The following PTPN21 variants were observed in gnomAD, a reference collection of about 807,000 sequenced individuals.
PTPN21 encodes the protein tyrosine-protein phosphatase non-receptor type 21.
A neutral mutation model predicts 131.8 loss-of-function variants in PTPN21; 77 were observed. The ratio of observed to expected loss-of-function variants is 0.58; its 90% CI spans 0.49 to 0.71. The LOEUF (loss-of-function observed/expected upper bound fraction) is 0.71. PTPN21 is among the 30% of genes least tolerant of loss of function. The probability of loss-of-function intolerance (pLI) is 0.00; values close to 1 mark genes in which losing one functional copy is unlikely to be tolerated. For missense variants in PTPN21, 1,552 were observed against 1,527.1 expected, an observed-to-expected ratio of 1.02 and a Z score of -0.27; for synonymous variants, 715 against 621.3, an observed-to-expected ratio of 1.15 and a Z score of -2.24.
intron 13 of PTPN21, among the ~76,000 whole-genome samples, chr14:88,475,992 T>C (rs188790187): frequency 1.3e-5 from 2 of 152,338 alleles, no homozygotes; most frequent in South Asian, 2.1e-4. Context: ...TGATTTCTTA[T>C]GTGAGAACCA....
chr14:88,534,885 A>G (rs1226010933), intron 2 of PTPN21, among the ~76,000 whole-genome samples: 2 of 152,098 alleles, frequency 1.3e-5, no homozygotes, highest in Non-Finnish European at 2.9e-5. Context: ...TTAAAAAATT[A>G]AAAAATTGTG....
chr14:88,505,903 C>T (rs2078080477), intron 4 of PTPN21, among the ~76,000 whole-genome samples: 1 of 152,194 alleles, frequency 6.6e-6, no homozygotes, highest in Admixed American at 6.5e-5. Context: ...AGGAATGTGG[C>T]TCCATGTGCA....
At chr14:88,531,636 T>G (rs2078556523) in intron 2 of PTPN21, among the ~76,000 whole-genome samples, 1 of 151,994 alleles carries the variant, frequency 6.6e-6, no homozygotes, top group African/African-American at 2.4e-5. Flanking sequence ...AAATATATAT[T>G]AACTCATAGC....
intron 12 of PTPN21, among the ~76,000 whole-genome samples, chr14:88,483,016 T>C (rs1207550440): frequency 6.6e-6 from 1 of 151,612 alleles, no homozygotes; most frequent in Non-Finnish European, 1.5e-5. Flanking sequence ...ATCAAGACCA[T>C]CCTGGCTAAC....
At chr14:88,537,868 G>A (rs1241911897) in intron 2 of PTPN21, among the ~76,000 whole-genome samples, 2 of 152,116 alleles carry the variant, frequency 1.3e-5, no homozygotes, top group African/African-American at 4.8e-5. Context: ...CTACAAACCT[G>A]TACAGCACAT....
intron 2 of PTPN21, among the ~76,000 whole-genome samples, chr14:88,533,714 C>A (rs1364200854): frequency 6.6e-6 from 1 of 152,106 alleles, no homozygotes; most frequent in Admixed American, 6.5e-5. Context: ...GAGACCCCAT[C>A]ACAACAAAAA....
chr14:88,530,147 T>C (rs1485211430), intron 2 of PTPN21, among the ~76,000 whole-genome samples: 1 of 152,100 alleles, frequency 6.6e-6, no homozygotes, highest in Admixed American at 6.6e-5. Context: ...AAAACAATTA[T>C]CAGCCAAGAA....
At chr14:88,510,027 G>C (rs10138139) in intron 3 of PTPN21, among the ~76,000 whole-genome samples, 52,750 of 152,018 alleles carry the variant, frequency 0.35, 9,732 homozygotes, top group African/African-American at 0.48. Flanking sequence ...CACAGAGAGA[G>C]TCTGTCTCAA....
intron 2 of PTPN21, among the ~76,000 whole-genome samples, chr14:88,527,321 ATTC>A (rs1309623437): frequency 6.6e-6 from 1 of 152,112 alleles, no homozygotes. Flanking sequence ...AACATCTATT[ATTC>A]TTTGATTTTT....
rs920174282 is a variant in PTPN21, at chr14:88,547,887, G to A, written c.180+2351C>T. Among the ~76,000 whole-genome samples, 5 of 152,058 alleles carry A rather than the reference G, an allele frequency of 3.3e-5. No individual in the cohort carries two copies. The East Asian group carries it at 7.8e-4, about 24-fold the overall frequency. On this transcript the variant is annotated intron_variant, in intron 2 of 18. Coordinates refer to ENST00000556564, the MANE Select transcript of PTPN21 (RefSeq NM_007039.4). The stretch of plus-strand genomic sequence containing the variant: ...CTTCCCAATATCTTCCCTCTAACCT[G>A]GATCTCATGCCTGAACTCCAGATCA...
chr14:88,504,577 C>CCTG, intron 5 of PTPN21, 82 bp from the exon 6 acceptor site: 1 of 1,141,540 alleles, frequency 8.8e-7, no homozygotes, highest in South Asian at 1.3e-5. Flanking sequence ...CTGTTAATGA[C>CCTG]TCTCGTCACT....
At chr14:88,503,445 C>T (rs1475053908) in intron 6 of PTPN21, among the ~76,000 whole-genome samples, 1 of 152,162 alleles carries the variant, frequency 6.6e-6, no homozygotes, top group East Asian at 1.9e-4. Flanking sequence ...AGACAGTCCT[C>T]AACTTACGAT....
intron 2 of PTPN21, among the ~76,000 whole-genome samples, chr14:88,518,384 G>GTCTATATA (rs1383018796): frequency 1.5e-4 from 2 of 13,328 alleles, no homozygotes; most frequent in East Asian, 5.4e-3. Context: ...ATGTGTGTGT[G>GTCTATATA]TGTATATATA....
chr14:88,529,990 A>AT (rs1475040485), intron 2 of PTPN21, among the ~76,000 whole-genome samples: 1 of 152,032 alleles, frequency 6.6e-6, no homozygotes. Flanking sequence ...CAAGAAAAAA[A>AT]AAAAAAGAAA....
Position 88,480,129 on chromosome 14 carries a change from G to A in PTPN21, c.1302C>T (p.Ser434=), listed in dbSNP as rs2077628161. 1.2e-6 allele frequency: 2 copies of A among 1,614,198 alleles called. No individual in the cohort carries two copies. The highest frequency in any genetic ancestry group is 1.7e-6 in the Non-Finnish European group (2 of 1,180,024). The change falls in exon 13 of 19, where the codon TCC becomes TCT. Residue 434 remains serine (S), a synonymous_variant. Transcript: ENST00000556564. ...SDVMRPDYLP[S]HRHSAVIPPS... ...GGGGTATCACGGCGCTGTGCCGATGGGACGGGAGGTAGTCAGGCCTCATGA... is the reference window on the plus strand; with the variant it reads ...GGGGTATCACGGCGCTGTGCCGATGAGACGGGAGGTAGTCAGGCCTCATGA...
intron 13 of PTPN21, among the ~76,000 whole-genome samples, chr14:88,474,630 C>T (rs1330185522): frequency 6.6e-6 from 1 of 151,994 alleles, no homozygotes; most frequent in African/African-American, 2.4e-5. Flanking sequence ...CGGGTTAGAT[C>T]ACGCTACCTC....
rs775442821 is a variant in PTPN21 at position 88,502,287 on chromosome 14, CAT to C, written c.588-921_588-920del. ...TCCCTAGCCCCTCTGGGCTTTTGCA[CAT>C]GAGAATCCCTCTTCTTGGTGTGCCT... On this transcript the variant is annotated intron_variant, in intron 6 of 18. Transcript: ENST00000556564. Among the ~76,000 whole-genome samples, 289 of 152,274 alleles carry C rather than the reference CAT, an allele frequency of 1.9e-3. 2 individuals carry two copies. The highest frequency in any genetic ancestry group is 3.1e-3 in the Non-Finnish European group (213 of 68,028).
At chr14:88,510,891 A>T (rs1406680807) in intron 3 of PTPN21, among the ~76,000 whole-genome samples, 3 of 151,740 alleles carry the variant, frequency 2.0e-5, no homozygotes, top group African/African-American at 7.3e-5. Flanking sequence ...GAATGGATGG[A>T]TGGATGGATA....
In PTPN21 at chr14:88,480,031, C is replaced by G. The variant is rs772716273; in HGVS notation, c.1400G>C (p.Arg467Pro). ...GAGGTTTCGCAGCGAGTGGCTCTGC[C>G]GTTCCGCATGCACCAGGCCCCTGTT... ...QLNRGLVHAE[R>P]QSHSLRNLNI... The change falls in exon 13 of 19, where the codon CGG becomes CCG. Residue 467 changes from arginine to proline, a missense_variant. Physicochemically the swap from Arg to Pro is moderately radical, Grantham distance 103. Around this residue, in one of 4 missense-constraint regions of PTPN21, gnomAD observed 1,016 missense variants for 883.5 expected, o/e 1.15. Coordinates refer to ENST00000556564, the MANE Select transcript of PTPN21 (RefSeq NM_007039.4). 2.5e-5 allele frequency: 41 copies of G among 1,613,722 alleles called. No individual in the cohort carries two copies. Among genetic ancestry groups the G allele is most frequent in the South Asian group, 1.3e-4 (12 of 91,086 alleles).
Sources: gnomAD v4.1 joint callset for allele counts (sites outside exome capture counted in the v4.1 genomes callset) on GRCh38, gnomAD v4.1.1 for gene constraint, gnomAD v4.1.1 regional missense constraint, MANE v1.5 for transcripts, NCBI Gene and HGNC (gene_info 2026-07-23, HGNC 2026-07-21) for gene names.